CRISPLD1: variants seen among roughly 807,000 people sequenced by gnomAD.
The protein encoded by CRISPLD1 is cysteine rich secretory protein LCCL domain containing 1.
In CRISPLD1, 60 loss-of-function variants were observed where a neutral mutation model predicts 77.5. The ratio of observed to expected loss-of-function variants is 0.77; its 90% confidence interval spans 0.63 to 0.96. The LOEUF (loss-of-function observed/expected upper bound fraction) is 0.96, where lower values mean the gene tolerates loss of function less well. Ranked by LOEUF, CRISPLD1 falls within the 40% of genes least tolerant of loss-of-function variation. The pLI is 0.00. For missense variants in CRISPLD1, 623 were observed against 615.8 expected, an observed-to-expected ratio of 1.01 and a Z score of -0.12; for synonymous variants, 195 against 200.1, an observed-to-expected ratio of 0.97 and a Z score of 0.22.
At chr8:75,024,500 T>C (rs1813199479) in intron 12 of CRISPLD1, among the ~76,000 whole-genome samples, 1 of 152,114 alleles carries the variant, frequency 6.6e-6, no homozygotes, top group Non-Finnish European at 1.5e-5. Flanking sequence ...AATTTTTGTA[T>C]TTTTAGCAGA....
At position 75,017,075 on chromosome 8, in the gene CRISPLD1, A is replaced by G. The variant is rs1466815559; in HGVS notation, c.958A>G (p.Ser320Gly). The G allele has an allele frequency of 6.2e-7, 1 of 1,612,768 alleles. No individual in the cohort carries two copies. Among genetic ancestry groups the G allele is most frequent in the East Asian group, 2.2e-5 (1 of 44,742 alleles). Residue 320 changes from serine to glycine, a missense_variant, in exon 9 of 15, where the codon AGT becomes GGT. Coordinates refer to ENST00000262207, the MANE Select transcript of CRISPLD1 (RefSeq NM_031461.6). ...RYECPAGCLD[S>G]KAKVIGSVHY... ...CGAATGTCCTGCTGGCTGTTTGGAT[A>G]GTAAAGCTAAAGTTATTGGCAGTGT... is the stretch of plus-strand genomic sequence containing the variant.
chr8:75,031,759 C>G (rs986281744), intron 14 of CRISPLD1, among the ~76,000 whole-genome samples: 3 of 152,008 alleles, frequency 2.0e-5, no homozygotes, highest in Non-Finnish European at 4.4e-5. Context: ...TAAGCTAGCG[C>G]TCTAGAGTAT....
intron 12 of CRISPLD1, among the ~76,000 whole-genome samples, chr8:75,022,713 C>G (rs1813159768): frequency 1.3e-5 from 2 of 151,728 alleles, no homozygotes; most frequent in Non-Finnish European, 2.9e-5. Flanking sequence ...TTTAGAATTT[C>G]ATATGACTTA....
rs10714892 is a variant in CRISPLD1, at chr8:75,032,174, ATT to A, written c.1452-6_1452-5del. On this transcript the variant is annotated splice_polypyrimidine_tract_variant and intron_variant, in intron 14 of 14. Transcript: ENST00000262207. ...GATGACATCAATATACTTTTCATATATTTTTTTTTTTTGCAGTTTACAGAATC... is the reference window on the plus strand; with the variant it reads ...GATGACATCAATATACTTTTCATATATTTTTTTTTTGCAGTTTACAGAATC... The A allele has an allele frequency of 3.0e-3, 3,822 of 1,292,246 alleles. No individual in the cohort carries two copies. Among genetic ancestry groups the A allele is most frequent in the African/African-American group, 6.9e-3 (455 of 65,606 alleles). The allele number at this position is 1,292,246 out of a possible 1,614,324, so 80.0% of individuals were successfully genotyped here. A position where few individuals can be genotyped will look rare whatever the true frequency, so the allele number is the denominator to read the frequency against.
At chr8:75,029,226 T>C (rs190127677) in intron 13 of CRISPLD1, among the ~76,000 whole-genome samples, 161 bp from the exon 14 acceptor site, 149 of 152,308 alleles carry the variant, frequency 9.8e-4, no homozygotes, top group Non-Finnish European at 1.5e-3. Flanking sequence ...TTGTGACGTT[T>C]CAAACACTCT....
chr8:75,002,498 A>AT (rs1554532270), intron 2 of CRISPLD1, among the ~76,000 whole-genome samples: 58 of 151,236 alleles, frequency 3.8e-4, no homozygotes, highest in African/African-American at 1.1e-3. Flanking sequence ...GTAAAAAAAA[A>AT]AATAATAATA....
Position 74,986,107 on chromosome 8 carries a change from G to A in CRISPLD1, c.120G>A (p.Met40Ile). Residue 40 changes from methionine to isoleucine, a missense_variant, in exon 2 of 15, where the codon ATG becomes ATA. By Grantham distance (10) the Met-to-Ile change is conservative. Transcript: ENST00000262207. ...TLLEKLLEKYMDEDGEWWIAK... is the reference protein window; with the variant it reads ...TLLEKLLEKYIDEDGEWWIAK... ...TGGAGAAACTTTTGGAAAAATACATGGATGAGGATGGTGAGTGGTGGATAG... is the reference window on the plus strand; with the variant it reads ...TGGAGAAACTTTTGGAAAAATACATAGATGAGGATGGTGAGTGGTGGATAG... The A allele has an allele frequency of 3.1e-6, 5 of 1,614,108 alleles. No individual in the cohort carries two copies. Among genetic ancestry groups the A allele is most frequent in the Non-Finnish European group, 4.2e-6 (5 of 1,180,034 alleles).
chr8:75,031,301 G>C (rs1813340716), intron 14 of CRISPLD1, among the ~76,000 whole-genome samples: 1 of 151,678 alleles, frequency 6.6e-6, no homozygotes, highest in African/African-American at 2.4e-5. Context: ...CTCTTTCTTA[G>C]TATTTATTTT....
At chr8:74,998,208 C>T (rs1256850511) in intron 2 of CRISPLD1, among the ~76,000 whole-genome samples, 1 of 152,012 alleles carries the variant, frequency 6.6e-6, no homozygotes, top group East Asian at 1.9e-4. Context: ...TCTCTTTTGT[C>T]CAGACACAGT....
chr8:75,032,283 T>C lies in CRISPLD1; in HGVS notation c.*41T>C. ...AGAGGACCATAAAGACTATTCCAAA[T>C]GCAATATTTCTGAATTTTGTATAAA... On this transcript the variant is annotated 3_prime_UTR_variant, in exon 15 of 15. Transcript: ENST00000262207. 8 of 1,487,424 alleles carry C rather than the reference T, an allele frequency of 5.4e-6. No individual in the cohort carries two copies. Among genetic ancestry groups the C allele is most frequent in the Non-Finnish European group, 7.4e-6 (8 of 1,075,970 alleles). The allele number at this position is 1,487,424 out of a possible 1,614,324, so 92.1% of individuals were successfully genotyped here. A position where few individuals can be genotyped will look rare whatever the true frequency, so the allele number is the denominator to read the frequency against.
intron 2 of CRISPLD1, among the ~76,000 whole-genome samples, chr8:74,994,455 G>A (rs947538776): frequency 1.3e-5 from 2 of 152,196 alleles, no homozygotes; most frequent in African/African-American, 4.8e-5. Context: ...TTGAATATCA[G>A]TGGAGAAGAT....
At position 74,985,981 on chromosome 8, in the gene CRISPLD1, A is replaced by G; in HGVS notation, c.-7A>G. ...ATTTTCCTGGGGAAATCCTGAGGTC[A>G]TTCATTATGAAGTGTACCGCGCGGG... On this transcript the variant is annotated 5_prime_UTR_variant, in exon 2 of 15. Transcript: ENST00000262207. The G allele has an allele frequency of 3.1e-6, 5 of 1,605,670 alleles. No homozygotes were observed. Among genetic ancestry groups the G allele is most frequent in the Non-Finnish European group, 4.3e-6 (5 of 1,173,360 alleles).
chr8:75,006,306 T>A (rs1318143105), intron 2 of CRISPLD1, among the ~76,000 whole-genome samples: 1 of 152,220 alleles, frequency 6.6e-6, no homozygotes, highest in Non-Finnish European at 1.5e-5. Flanking sequence ...TTTTTGGCAT[T>A]TATCTTGGAA....
intron 2 of CRISPLD1, among the ~76,000 whole-genome samples, chr8:74,986,507 A>G (rs991709710): frequency 1.3e-5 from 2 of 152,196 alleles, no homozygotes; most frequent in Non-Finnish European, 2.9e-5. Context: ...GAAGGTTAAT[A>G]TAGTGAAAAT....
chr8:74,986,116 T>C lies in CRISPLD1; in HGVS notation c.129T>C (p.Asp43=). The C allele has an allele frequency of 1.2e-6, 2 of 1,614,002 alleles. No individual in the cohort carries two copies. The highest frequency in any genetic ancestry group is 1.7e-6 in the Non-Finnish European group (2 of 1,179,992). Residue 43 remains aspartate (D), a synonymous_variant, in exon 2 of 15, where the codon GAT becomes GAC. Coordinates refer to ENST00000262207, the MANE Select transcript of CRISPLD1 (RefSeq NM_031461.6). ...EKLLEKYMDE[D]GEWWIAKQRG... ...TTTTGGAAAAATACATGGATGAGGA[T>C]GGTGAGTGGTGGATAGCCAAACAAC...
intron 12 of CRISPLD1, among the ~76,000 whole-genome samples, chr8:75,025,010 A>G (rs1327433046): frequency 2.6e-5 from 4 of 152,200 alleles, no homozygotes; most frequent in Non-Finnish European, 4.4e-5. Flanking sequence ...TGAGATGTTT[A>G]TTATAGCTAA....
At position 75,033,693 on chromosome 8, in the gene CRISPLD1, G is replaced by A. The variant is rs1172665971; in HGVS notation, c.*1451G>A. ...AATGATCAAGGAAAGCAAGAGAGCA[G>A]ATAATACAAAAGAAAAAGAAGAAGG... On this transcript the variant is annotated 3_prime_UTR_variant, in exon 15 of 15. Coordinates refer to ENST00000262207, the MANE Select transcript of CRISPLD1 (RefSeq NM_031461.6). 6.6e-6 allele frequency: 1 copy of A among 151,938 alleles called. No individual in the cohort carries two copies. Among genetic ancestry groups the A allele is most frequent in the Non-Finnish European group, 1.5e-5 (1 of 67,874 alleles). 9.4% of individuals were successfully genotyped at this position (151,938 alleles called of 1,614,324 possible). A position where few individuals can be genotyped will look rare whatever the true frequency, so the allele number is the denominator to read the frequency against.
At chr8:75,013,208 G>T (rs1812966033) in intron 4 of CRISPLD1, among the ~76,000 whole-genome samples, 186 bp downstream of exon 4, 1 of 151,916 alleles carries the variant, frequency 6.6e-6, no homozygotes, top group Non-Finnish European at 1.5e-5. Flanking sequence ...ACACAAAAAA[G>T]TCCAAACATC....
intron 12 of CRISPLD1, 47 bp from the exon 13 acceptor site, chr8:75,025,499 A>T (rs1372512372): frequency 2.6e-6 from 2 of 769,204 alleles, no homozygotes; most frequent in Non-Finnish European, 3.8e-6. Flanking sequence ...AGAAAGACTT[A>T]AGTAACCAGC....
Sources: allele counts gnomAD v4.1 joint callset (sites outside exome capture counted in the v4.1 genomes callset), GRCh38; gene constraint gnomAD v4.1.1; transcripts MANE v1.5; gene names NCBI Gene and HGNC (gene_info 2026-07-23, HGNC 2026-07-21).